The following IGSF5 variants were observed in gnomAD, a reference collection of about 807,000 sequenced individuals.
IGSF5 encodes immunoglobulin superfamily 5 like.
In IGSF5, 41 loss-of-function variants were observed where a neutral mutation model predicts 39.4. That is an observed-to-expected ratio of 1.04 (90% CI 0.81 to 1.35). The LOEUF (loss-of-function observed/expected upper bound fraction) is 1.35, where lower values mean the gene tolerates loss of function less well. Ranked by LOEUF, IGSF5 falls within the 40% of genes most tolerant of loss-of-function variation. The probability of loss-of-function intolerance (pLI) is 0.00; values close to 1 mark genes in which losing one functional copy is unlikely to be tolerated. For synonymous variants in IGSF5, 183 were observed against 175.3 expected, an observed-to-expected ratio of 1.04 and a Z score of -0.34; for missense variants, 487 against 494.6, an observed-to-expected ratio of 0.98 and a Z score of 0.15.
intron 6 of IGSF5, among the ~76,000 whole-genome samples, chr21:39,788,509 C>T (rs879845516): frequency 6.6e-6 from 1 of 152,218 alleles, no homozygotes; most frequent in African/African-American, 2.4e-5. Flanking sequence ...TGACTATCAT[C>T]CCGCCTGCTG....
chr21:39,777,303 C>T (rs576963729), intron 4 of IGSF5, among the ~76,000 whole-genome samples: 12 of 152,264 alleles, frequency 7.9e-5, no homozygotes, highest in Admixed American at 5.9e-4. Flanking sequence ...ATTGTGGCTG[C>T]GTACAAGGGA....
At chr21:39,777,496 G>T (rs1443016791) in intron 4 of IGSF5, among the ~76,000 whole-genome samples, 1 of 152,140 alleles carries the variant, frequency 6.6e-6, no homozygotes, top group African/African-American at 2.4e-5. Context: ...CATGTGAAGG[G>T]TCTGCCTTGT....
At chr21:39,770,849 AAAAAG>A (rs2080110066) in intron 3 of IGSF5, 62 bp from the exon 4 acceptor site, 1 of 1,191,460 alleles carries the variant, frequency 8.4e-7, no homozygotes, top group East Asian at 2.8e-5. Flanking sequence ...AAAGAAAAAA[AAAAAG>A]AAAACTTAGA....
intron 6 of IGSF5, 73 bp downstream of exon 6, chr21:39,788,261 T>C: frequency 9.3e-7 from 1 of 1,072,554 alleles, no homozygotes; most frequent in Non-Finnish European, 1.4e-6. Flanking sequence ...ATAACAACAA[T>C]ACGTACACAC....
At chr21:39,734,736 C>T in the IGSF5 span, among the ~76,000 whole-genome samples, 2 of 152,030 alleles carry the variant, frequency 1.3e-5, no homozygotes, top group African/African-American at 4.8e-5. Flanking sequence ...TGGGAAGCTA[C>T]TTGTAAGTGA....
intron 2 of IGSF5, 45 bp from the exon 3 acceptor site, chr21:39,765,490 G>A (rs976615203): frequency 1.9e-5 from 29 of 1,547,168 alleles, no homozygotes; most frequent in African/African-American, 2.7e-5. Flanking sequence ...GTTGATTTAT[G>A]GAGATCCATT....
chr21:39,763,720 C>G lies in IGSF5; in HGVS notation c.101-1815C>G, dbSNP rs1325927352. Among the ~76,000 whole-genome samples, 7 of 152,134 alleles carry G rather than the reference C, an allele frequency of 4.6e-5. No homozygotes were observed. In the East Asian group the frequency reaches 1.4e-3, roughly 29 times the overall value. On this transcript the variant is annotated intron_variant, in intron 2 of 8. Transcript: ENST00000380588. ...CTGCTGGGCTCTGTCCACTTGACTG[C>G]CATTGACCCGAGGTGGGAGTGCAGG...
upstream of IGSF5, among the ~76,000 whole-genome samples, chr21:39,740,619 T>C (rs1448218447): frequency 1.3e-5 from 2 of 152,204 alleles, no homozygotes; most frequent in Non-Finnish European, 2.9e-5. Flanking sequence ...TGAAGTCCTT[T>C]TTCTACAAAG....
intron 6 of IGSF5, among the ~76,000 whole-genome samples, chr21:39,790,570 A>T (rs1014097672): frequency 2.0e-5 from 3 of 152,110 alleles, no homozygotes; most frequent in Non-Finnish European, 4.4e-5. Context: ...ACTTGGGAGG[A>T]TCCTTTGAGC....
At chr21:39,754,388 C>G (rs1275857090) in intron 2 of IGSF5, among the ~76,000 whole-genome samples, 1 of 152,226 alleles carries the variant, frequency 6.6e-6, no homozygotes, top group East Asian at 1.9e-4. Flanking sequence ...TGAGCAGGCA[C>G]TTGCCCCCTG....
At chr21:39,791,804 C>G (rs2086966881) in intron 6 of IGSF5, 1 of 507,490 alleles carries the variant, frequency 2.0e-6, no homozygotes, top group Non-Finnish European at 3.6e-6. Context: ...AAACTTTCAT[C>G]TCTCCCCATA....
At chr21:39,718,899 T>G in the IGSF5 span, among the ~76,000 whole-genome samples, 1 of 152,286 alleles carries the variant, frequency 6.6e-6, no homozygotes, top group South Asian at 2.1e-4. Context: ...TCCTCAATTT[T>G]TTGGAATAGT....
In IGSF5 at chr21:39,792,057, A is replaced by G; in HGVS notation, c.1006A>G (p.Asn336Asp). 6.2e-7 allele frequency: 1 copy of G among 1,611,550 alleles called. No individual in the cohort carries two copies. Among genetic ancestry groups the G allele is most frequent in the Non-Finnish European group, 8.5e-7 (1 of 1,178,834 alleles). ...TNKETETESG[N>D]ENSGYNSDEQ... ...CAAAGAAACTGAGACAGAAAGTGGA[A>G]ATGAAAACTCCGGCTACAATTCAGA... is the stretch of plus-strand genomic sequence containing the variant. The change falls in exon 7 of 9, where the codon AAT becomes GAT. Residue 336 changes from asparagine (N) to aspartate (D), a missense_variant. Coordinates refer to ENST00000380588, the MANE Select transcript of IGSF5 (RefSeq NM_001080444.2).
At chr21:39,718,759 T>C in the IGSF5 span, among the ~76,000 whole-genome samples, 1 of 152,232 alleles carries the variant, frequency 6.6e-6, no homozygotes, top group Admixed American at 6.5e-5. Flanking sequence ...GCAAGTACTT[T>C]GTTGAAGATT....
chr21:39,782,627 A>T (rs768548550), intron 5 of IGSF5, among the ~76,000 whole-genome samples: 1 of 152,214 alleles, frequency 6.6e-6, no homozygotes. Context: ...TAAAAATGGC[A>T]TACAGAGTGA....
At chr21:39,732,908 C>T in the IGSF5 span, among the ~76,000 whole-genome samples, 266 of 151,884 alleles carry the variant, frequency 1.8e-3, no homozygotes, top group Non-Finnish European at 2.7e-3. Flanking sequence ...TGCCTGTAGT[C>T]GCAGCTACTT....
At chr21:39,795,863 GA>G (rs2086993039) in intron 8 of IGSF5, among the ~76,000 whole-genome samples, 1 of 152,068 alleles carries the variant, frequency 6.6e-6, no homozygotes, top group Admixed American at 6.6e-5. Context: ...AGGCCCTTAA[GA>G]AACAAATCAG....
chr21:39,716,998 T>G, the IGSF5 span, among the ~76,000 whole-genome samples: 1 of 152,244 alleles, frequency 6.6e-6, no homozygotes, highest in African/African-American at 2.4e-5. Context: ...CTCTGCAACC[T>G]AGCCATTATC....
chr21:39,718,914 G>T, the IGSF5 span, among the ~76,000 whole-genome samples: 1 of 152,152 alleles, frequency 6.6e-6, no homozygotes, highest in Non-Finnish European at 1.5e-5. Flanking sequence ...AATAGTTTCT[G>T]TAGGAGTGGT....
Sources: allele counts gnomAD v4.1 joint callset (sites outside exome capture counted in the v4.1 genomes callset), GRCh38; gene constraint gnomAD v4.1.1; transcripts MANE v1.5; gene names NCBI Gene and HGNC (gene_info 2026-07-23, HGNC 2026-07-21).